Variants in CPN1 observed in about 807,000 individuals in gnomAD.
CPN1 encodes the protein carboxypeptidase N catalytic chain.
Under a neutral mutation model 46.4 loss-of-function variants are expected in CPN1, and 37 were observed. The ratio of observed to expected loss-of-function variants is 0.80; its 90% CI spans 0.61 to 1.05. The LOEUF (loss-of-function observed/expected upper bound fraction) is 1.05, where lower values mean the gene tolerates loss of function less well. Among genes scored for constraint, CPN1 ranks in the 50% least tolerant of loss-of-function variants. The pLI is 0.00. For missense variants in CPN1, 563 were observed against 602.6 expected (o/e 0.93, Z 0.69); for synonymous variants, 224 against 235.4 (o/e 0.95, Z 0.44).
intron 1 of CPN1, among the ~76,000 whole-genome samples, chr10:100,078,867 C>T (rs1322269741): frequency 6.6e-6 from 1 of 152,226 alleles, no homozygotes; most frequent in East Asian, 1.9e-4. Context: ...CTCCTGTTGC[C>T]TGGTGTCCCC....
At position 100,063,630 on chromosome 10, in the gene CPN1, C is replaced by T. The variant is rs2041434507; in HGVS notation, c.855G>A (p.Trp285Ter). Residue 285 changes from tryptophan (W) to a stop codon, truncating the protein, a stop_gained, in exon 5 of 9, where the codon TGG (tryptophan) becomes TGA (stop). Transcript: ENST00000370418. LOFTEE classifies it high-confidence loss of function. ...TCCCCTTACCCTTGCTGAGAGAATA[C>T]CAGGAAGCCCCATTGGTGATGCCAT... ...FPDGITNGAS[W>*]YSLSKGMQDF... 6.2e-7 allele frequency: 1 copy of T among 1,613,440 alleles called. No homozygotes were observed. Among genetic ancestry groups the T allele is most frequent in the Admixed American group, 1.7e-5 (1 of 59,986 alleles).
chr10:100,063,761 T>C (rs1270730089), intron 4 of CPN1, 36 bp from the exon 5 acceptor site: 2 of 1,515,920 alleles, frequency 1.3e-6, no homozygotes, highest in South Asian at 2.2e-5. Context: ...ACCTTGATGA[T>C]TCCCAACTCA....
At chr10:100,058,887 T>C (rs2041400758) in intron 5 of CPN1, among the ~76,000 whole-genome samples, 1 of 152,136 alleles carries the variant, frequency 6.6e-6, no homozygotes, top group African/African-American at 2.4e-5. Flanking sequence ...AACCCTTGCA[T>C]ATATGGTCAA....
At chr10:100,071,105 G>A (rs1278392011) in intron 2 of CPN1, among the ~76,000 whole-genome samples, 1 of 152,168 alleles carries the variant, frequency 6.6e-6, no homozygotes, top group East Asian at 1.9e-4. Context: ...GTTGTAGCAT[G>A]TATCAGTACT....
At chr10:100,058,916 G>A (rs969285995) in intron 5 of CPN1, among the ~76,000 whole-genome samples, 6 of 152,128 alleles carry the variant, frequency 3.9e-5, no homozygotes, top group African/African-American at 1.4e-4. Flanking sequence ...TGACAAGAAT[G>A]CCAAGACCAT....
At chr10:100,061,124 G>A (rs2041414850) in intron 5 of CPN1, among the ~76,000 whole-genome samples, 2 of 152,084 alleles carry the variant, frequency 1.3e-5, no homozygotes, top group South Asian at 4.1e-4. Flanking sequence ...ATGGTTAATA[G>A]ATACAAAAAA....
intron 8 of CPN1, among the ~76,000 whole-genome samples, chr10:100,046,255 G>A (rs114672961): frequency 0.011 from 1,722 of 152,334 alleles, 25 homozygotes; most frequent in African/African-American, 0.038. Context: ...AAGAATGCAA[G>A]CCCGCTGCCT....
intron 1 of CPN1, among the ~76,000 whole-genome samples, chr10:100,078,058 A>G (rs917734617): frequency 1.3e-5 from 2 of 150,144 alleles, no homozygotes. Context: ...TCTTTTTTTT[A>G]ATTTAGAGAC....
intron 3 of CPN1, among the ~76,000 whole-genome samples, chr10:100,066,784 A>C (rs926116777): frequency 2.6e-5 from 4 of 152,200 alleles, no homozygotes; most frequent in Non-Finnish European, 5.9e-5. Flanking sequence ...AGGGGACTGG[A>C]TAAATAGGGT....
chr10:100,051,004 G>A (rs931247177), intron 7 of CPN1, among the ~76,000 whole-genome samples: 7 of 152,068 alleles, frequency 4.6e-5, no homozygotes, highest in Non-Finnish European at 7.4e-5. Flanking sequence ...CAGCCTGGGC[G>A]ACAGAGCGAG....
At chr10:100,076,266 C>T (rs1254537062) in intron 1 of CPN1, among the ~76,000 whole-genome samples, 159 bp from the exon 2 acceptor site, 1 of 152,194 alleles carries the variant, frequency 6.6e-6, no homozygotes, top group African/African-American at 2.4e-5. Context: ...TAACCAATTA[C>T]AGTTACAAAA....
chr10:100,047,263 AGAG>A (rs986966651), intron 8 of CPN1, among the ~76,000 whole-genome samples: 1 of 151,984 alleles, frequency 6.6e-6, no homozygotes, highest in Admixed American at 6.6e-5. Flanking sequence ...AGGACAAGGA[AGAG>A]GAGGAGATAT....
chr10:100,055,798 A>G (rs893339454), intron 6 of CPN1, among the ~76,000 whole-genome samples: 1 of 152,262 alleles, frequency 6.6e-6, no homozygotes, highest in Admixed American at 6.5e-5. Flanking sequence ...TGCTGGGATT[A>G]CAGGCATGAG....
At chr10:100,076,380 G>A (rs1399807267) in intron 1 of CPN1, among the ~76,000 whole-genome samples, 1 of 152,176 alleles carries the variant, frequency 6.6e-6, no homozygotes, top group Non-Finnish European at 1.5e-5. Context: ...CAGAAAACTT[G>A]TAAAGTGGGC....
intron 1 of CPN1, among the ~76,000 whole-genome samples, chr10:100,076,787 G>A (rs1027277741): frequency 6.6e-6 from 1 of 151,734 alleles, no homozygotes; most frequent in Admixed American, 6.6e-5. Flanking sequence ...GAATAGGATT[G>A]GGGGCAGGAC....
intron 2 of CPN1, among the ~76,000 whole-genome samples, chr10:100,071,181 CAGTATT>C: frequency 6.6e-6 from 1 of 152,248 alleles, no homozygotes; most frequent in East Asian, 1.9e-4. Flanking sequence ...ATCCATTCAC[CAGTATT>C]AGTATTAGTT....
chr10:100,054,837 CTTTCT>C (rs1039940877), intron 6 of CPN1, among the ~76,000 whole-genome samples: 4 of 125,996 alleles, frequency 3.2e-5, no homozygotes, highest in South Asian at 2.3e-4. Flanking sequence ...TCTTTTCTTT[CTTTCT>C]TTTTTTTTTT....
chr10:100,075,251 C>T (rs948254694), intron 2 of CPN1, among the ~76,000 whole-genome samples: 2 of 152,188 alleles, frequency 1.3e-5, no homozygotes, highest in African/African-American at 2.4e-5. Flanking sequence ...GATCGCACCA[C>T]TGCACTCCAG....
chr10:100,054,557 A>G, intron 6 of CPN1, 111 bp from the exon 7 acceptor site: 1 of 853,634 alleles, frequency 1.2e-6, no homozygotes, highest in Non-Finnish European at 1.9e-6. Flanking sequence ...CTTCACAAAG[A>G]TGATGGTAAT....
Sources: gnomAD v4.1 joint callset for allele counts (sites outside exome capture counted in the v4.1 genomes callset) on GRCh38, gnomAD v4.1.1 for gene constraint, MANE v1.5 for transcripts, NCBI Gene and HGNC (gene_info 2026-07-23, HGNC 2026-07-21) for gene names.